Variants in SBF2 observed in about 807,000 individuals in gnomAD.
The protein encoded by SBF2 is SET binding factor 2.
SBF2 carries 112 observed loss-of-function variants against 225.2 expected under a neutral mutation model. The observed-to-expected ratio is 0.50, with a 90% CI of 0.43 to 0.58. The LOEUF (loss-of-function observed/expected upper bound fraction) is 0.58, where lower values mean the gene tolerates loss of function less well. SBF2 is among the 20% of genes least tolerant of loss of function. The pLI, the probability that SBF2 is intolerant of heterozygous loss-of-function variation, is 0.00. For missense variants in SBF2, 1,996 were observed against 2,206.2 expected, an observed-to-expected ratio of 0.90 and a Z score of 1.91; for synonymous variants, 763 against 773.3, an observed-to-expected ratio of 0.99 and a Z score of 0.22.
At chr11:9,892,081 G>C (rs1198410768) in intron 17 of SBF2, among the ~76,000 whole-genome samples, 3 of 152,000 alleles carry the variant, frequency 2.0e-5, no homozygotes, top group Admixed American at 2.0e-4. Context: ...TAGAGTAAAT[G>C]GTTTGTTTTT....
intron 16 of SBF2, among the ~76,000 whole-genome samples, chr11:9,912,324 C>T (rs1246917403): frequency 5.3e-5 from 8 of 149,572 alleles, no homozygotes; most frequent in Admixed American, 2.7e-4. Context: ...CGGTGGCTCA[C>T]GCCTGTAATT....
chr11:10,229,407 G>C (rs1309051362), intron 1 of SBF2, among the ~76,000 whole-genome samples: 1 of 152,084 alleles, frequency 6.6e-6, no homozygotes, highest in Non-Finnish European at 1.5e-5. Context: ...TGTGATGTTA[G>C]GGTGTCAATT....
intron 1 of SBF2, among the ~76,000 whole-genome samples, chr11:10,270,811 C>T (rs1260697710): frequency 6.6e-6 from 1 of 151,712 alleles, no homozygotes; most frequent in African/African-American, 2.4e-5. Flanking sequence ...GGCTAACACG[C>T]TGAAACCCCG....
intron 16 of SBF2, among the ~76,000 whole-genome samples, chr11:9,918,799 C>T (rs551889409): frequency 1.1e-4 from 17 of 151,832 alleles, no homozygotes; most frequent in African/African-American, 2.4e-4. Context: ...AGTGCAGTGG[C>T]GTGATCTCGG....
chr11:10,259,417 C>A (rs1166218807), intron 1 of SBF2, among the ~76,000 whole-genome samples: 1 of 152,202 alleles, frequency 6.6e-6, no homozygotes, highest in African/African-American at 2.4e-5. Flanking sequence ...ATTATTACTA[C>A]TAATTTGCAT....
At chr11:9,784,762 G>A (rs1390335709) in intron 37 of SBF2, among the ~76,000 whole-genome samples, 1 of 152,202 alleles carries the variant, frequency 6.6e-6, no homozygotes, top group East Asian at 1.9e-4. Flanking sequence ...CATACCCTTG[G>A]CTGTCCTAGC....
chr11:10,158,722 C>G (rs556011872), intron 2 of SBF2, among the ~76,000 whole-genome samples: 1 of 152,244 alleles, frequency 6.6e-6, no homozygotes, highest in East Asian at 1.9e-4. Flanking sequence ...AAATTACAAG[C>G]TAACATCCCT....
intron 14 of SBF2, among the ~76,000 whole-genome samples, chr11:9,964,499 A>G (rs1479623007): frequency 3.9e-5 from 6 of 152,238 alleles, no homozygotes; most frequent in African/African-American, 7.2e-5. Context: ...GTTTACAACT[A>G]GTAATATTGT....
At chr11:10,127,650 T>A (rs1164055978) in intron 2 of SBF2, among the ~76,000 whole-genome samples, 1 of 152,198 alleles carries the variant, frequency 6.6e-6, no homozygotes, top group East Asian at 1.9e-4. Flanking sequence ...TTTAGAATTT[T>A]ATCTATTAAC....
At chr11:10,241,225 C>T (rs1444380180) in intron 1 of SBF2, among the ~76,000 whole-genome samples, 4 of 152,124 alleles carry the variant, frequency 2.6e-5, no homozygotes, top group East Asian at 1.9e-4. Context: ...TGGTGGCACA[C>T]GCCTGTACTC....
intron 2 of SBF2, among the ~76,000 whole-genome samples, chr11:10,107,445 T>C (rs1421621096): frequency 1.3e-5 from 2 of 152,204 alleles, no homozygotes; most frequent in South Asian, 2.1e-4. Context: ...TAAAATTCTA[T>C]ACAATACAAA....
intron 1 of SBF2, among the ~76,000 whole-genome samples, chr11:10,223,011 G>C (rs186880610): frequency 2.5e-4 from 38 of 151,422 alleles, no homozygotes; most frequent in African/African-American, 9.0e-4. Flanking sequence ...TCTATATTTA[G>C]GCCATCAGTC....
chr11:9,953,659 G>T (rs1389347036), intron 16 of SBF2, among the ~76,000 whole-genome samples: 1 of 152,096 alleles, frequency 6.6e-6, no homozygotes, highest in Non-Finnish European at 1.5e-5. Context: ...AGAGGCCAAG[G>T]GTGTACTCAC....
At chr11:10,187,696 T>C (rs968922377) in intron 2 of SBF2, among the ~76,000 whole-genome samples, 3 of 151,958 alleles carry the variant, frequency 2.0e-5, no homozygotes. Flanking sequence ...ATTTTGAAAA[T>C]GGCAAACCCC....
Position 9,917,746 on chromosome 11 carries a change from T to A in SBF2, c.1861-21735A>T, listed in dbSNP as rs150424197. On this transcript the variant is annotated intron_variant, in intron 16 of 39. Transcript: ENST00000256190. The stretch of plus-strand genomic sequence containing the variant: ...CTTCCTGAGGTTAGCGCGACCATTT[T>A]TGTAATATAAAGCACCACTGGAATC... 5.2e-4 allele frequency among the ~76,000 whole-genome samples: 79 copies of A among 151,616 alleles called. 1 individual carries two copies. The highest frequency in any genetic ancestry group is 1.9e-3 in the African/African-American group (76 of 40,946).
At chr11:9,855,285 C>T (rs924871401) in intron 19 of SBF2, among the ~76,000 whole-genome samples, 3 of 152,100 alleles carry the variant, frequency 2.0e-5, no homozygotes. Context: ...AGTTGTCTAG[C>T]CTGGAAGACC....
At chr11:9,789,881 C>T (rs914949956) in intron 34 of SBF2, among the ~76,000 whole-genome samples, 5 of 152,164 alleles carry the variant, frequency 3.3e-5, no homozygotes, top group Admixed American at 2.6e-4. Context: ...TCTGAAGTAC[C>T]CAGACAGAGT....
chr11:9,782,680 G>T (rs1362883900), intron 38 of SBF2, among the ~76,000 whole-genome samples: 1 of 152,066 alleles, frequency 6.6e-6, no homozygotes, highest in Non-Finnish European at 1.5e-5. Context: ...AGACCAGCCT[G>T]ACCAATATGG....
intron 39 of SBF2, 35 bp downstream of exon 39, chr11:9,781,472 A>G (rs1183012117): frequency 4.3e-6 from 7 of 1,613,844 alleles, no homozygotes; most frequent in Non-Finnish European, 5.9e-6. Flanking sequence ...TGATGTGCAG[A>G]CAGAGCCAGG....
Sources: allele counts gnomAD v4.1 joint callset (sites outside exome capture counted in the v4.1 genomes callset), GRCh38; gene constraint gnomAD v4.1.1; transcripts MANE v1.5; gene names NCBI Gene and HGNC (gene_info 2026-07-23, HGNC 2026-07-21).